FMNL2: variants seen among roughly 807,000 people sequenced by gnomAD.
FMNL2 encodes the protein formin-like protein 2.
FMNL2 carries 51 observed loss-of-function variants against 130.2 expected under a neutral mutation model. That is an observed-to-expected ratio of 0.39 (90% confidence interval 0.31 to 0.49). The LOEUF (loss-of-function observed/expected upper bound fraction) is 0.49, where lower values mean the gene tolerates loss of function less well. Ranked by LOEUF, FMNL2 falls within the 20% of genes least tolerant of loss-of-function variation. FMNL2 has a pLI of 0.85. For synonymous variants in FMNL2, 465 were observed against 467.1 expected, an observed-to-expected ratio of 1.00 and a Z score of 0.06; for missense variants, 977 against 1,316.2, an observed-to-expected ratio of 0.74 and a Z score of 3.99.
intron 1 of FMNL2, among the ~76,000 whole-genome samples, chr2:152,437,558 T>C (rs779899601): frequency 1.3e-5 from 2 of 152,158 alleles, no homozygotes; most frequent in Non-Finnish European, 2.9e-5. Flanking sequence ...GATTGCTGGA[T>C]TGATTTAGTG....
intron 1 of FMNL2, among the ~76,000 whole-genome samples, chr2:152,429,442 A>C (rs1232927237): frequency 2.0e-5 from 3 of 152,168 alleles, no homozygotes; most frequent in South Asian, 2.1e-4. Flanking sequence ...TTTTCTTTTC[A>C]GCACCATTTC....
chr2:152,359,357 C>T (rs1251949968), intron 1 of FMNL2, among the ~76,000 whole-genome samples: 1 of 152,052 alleles, frequency 6.6e-6, no homozygotes, highest in African/African-American at 2.4e-5. Flanking sequence ...CCTAAAGTCA[C>T]ACAATAAATG....
Position 152,648,926 on chromosome 2 carries a change from G to C in FMNL2, c.*1021G>C, listed in dbSNP as rs1042031292. 5 of 152,540 alleles carry C rather than the reference G, an allele frequency of 3.3e-5. No homozygotes were observed. Among genetic ancestry groups the C allele is most frequent in the African/African-American group, 1.2e-4 (5 of 41,430 alleles). 9.4% of individuals were successfully genotyped at this position (152,540 alleles called of 1,614,324 possible). On this transcript the variant is annotated 3_prime_UTR_variant, in exon 26 of 26. Coordinates refer to ENST00000288670, the MANE Select transcript of FMNL2 (RefSeq NM_052905.4). ...TAAGTTGCTGAAAAGTATTAACATGGTATTAAGCTTAAATAATACGTAATG... is the reference window on the plus strand; with the variant it reads ...TAAGTTGCTGAAAAGTATTAACATGCTATTAAGCTTAAATAATACGTAATG...
At chr2:152,631,286 G>A (rs142712351) in intron 20 of FMNL2, among the ~76,000 whole-genome samples, 39 of 151,504 alleles carry the variant, frequency 2.6e-4, no homozygotes, top group African/African-American at 9.4e-4. Context: ...CCAGCTACTC[G>A]GGAGGCTGAG....
In FMNL2 at chr2:152,341,759, G is replaced by A. The variant is rs371553402; in HGVS notation, c.117+6039G>A. Among the ~76,000 whole-genome samples, 14 of 152,344 alleles carry A rather than the reference G, an allele frequency of 9.2e-5. No homozygotes were observed. In the East Asian group the frequency reaches 1.2e-3, roughly 13 times the overall value. On this transcript the variant is annotated intron_variant, in intron 1 of 25. Transcript: ENST00000288670. ...GAGCTTTCAGGTGGAAATGTGTGTA[G>A]GGGTGTTCTGTGTGGTCTAAAGAGT... is the stretch of plus-strand genomic sequence containing the variant.
chr2:152,641,948 CT>C (rs34296572), intron 25 of FMNL2, among the ~76,000 whole-genome samples: 129,960 of 145,658 alleles, frequency 0.89, 57,942 homozygotes, highest in Admixed American at 0.9. Context: ...TGTCTCATTT[CT>C]TTTTTTTTTT....
At chr2:152,505,280 AAT>A (rs1692101376) in intron 1 of FMNL2, among the ~76,000 whole-genome samples, 1 of 152,174 alleles carries the variant, frequency 6.6e-6, no homozygotes, top group African/African-American at 2.4e-5. Flanking sequence ...GGGAAGAAAA[AAT>A]ATAGTGTTAA....
At chr2:152,382,798 C>G (rs1684552373) in intron 1 of FMNL2, among the ~76,000 whole-genome samples, 1 of 151,980 alleles carries the variant, frequency 6.6e-6, no homozygotes, top group Non-Finnish European at 1.5e-5. Context: ...CTCAATAAAG[C>G]TGGGGAAAAA....
intron 9 of FMNL2, among the ~76,000 whole-genome samples, chr2:152,604,062 A>C (rs912425597): frequency 1.3e-5 from 2 of 151,058 alleles, no homozygotes; most frequent in African/African-American, 4.8e-5. Flanking sequence ...TCGAGGTTCC[A>C]TGGAAGTTTC....
At chr2:152,477,392 G>A (rs1265560829) in intron 1 of FMNL2, among the ~76,000 whole-genome samples, 2 of 152,146 alleles carry the variant, frequency 1.3e-5, no homozygotes, top group Non-Finnish European at 2.9e-5. Flanking sequence ...TATAAAATGA[G>A]GATGTTGGAA....
chr2:152,565,025 G>A (rs1375999507), intron 6 of FMNL2, among the ~76,000 whole-genome samples: 2 of 152,084 alleles, frequency 1.3e-5, no homozygotes, highest in Non-Finnish European at 2.9e-5. Flanking sequence ...AGAATGTGGT[G>A]TGCCTTCGGT....
chr2:152,549,717 A>G lies in FMNL2; in HGVS notation c.359+620A>G, dbSNP rs1694833777. ...ATGGTGCTTTGCCTCAGGCAAGAACAGCAATATTATATTCTCCCTTACCCC... is the reference window on the plus strand; with the variant it reads ...ATGGTGCTTTGCCTCAGGCAAGAACGGCAATATTATATTCTCCCTTACCCC... On this transcript the variant is annotated intron_variant, in intron 4 of 25. Coordinates refer to ENST00000288670, the MANE Select transcript of FMNL2 (RefSeq NM_052905.4). Among the ~76,000 whole-genome samples, 4 of 152,232 alleles carry G rather than the reference A, an allele frequency of 2.6e-5. No individual in the cohort carries two copies. The South Asian group carries it at 8.3e-4, about 32-fold the overall frequency.
At chr2:152,503,270 A>G (rs1260128243) in intron 1 of FMNL2, among the ~76,000 whole-genome samples, 1 of 152,142 alleles carries the variant, frequency 6.6e-6, no homozygotes, top group African/African-American at 2.4e-5. Context: ...CAGTGGATGG[A>G]AAATTACTAG....
chr2:152,335,737 G>T lies in FMNL2; in HGVS notation c.117+17G>T. ...ATCGTGCTGGTAAGTGCGCGGCGGC[G>T]GTCGGGCGCGGGGACCCGGGGCCCC... On this transcript the variant is annotated intron_variant, in intron 1 of 25. Coordinates refer to ENST00000288670, the MANE Select transcript of FMNL2 (RefSeq NM_052905.4). The T allele has an allele frequency of 6.4e-7, 1 of 1,550,796 alleles. No homozygotes were observed. The highest frequency in any genetic ancestry group is 8.7e-7 in the Non-Finnish European group (1 of 1,149,812).
At position 152,455,580 on chromosome 2, in the gene FMNL2, C is replaced by T. The variant is rs2105093083; in HGVS notation, c.118-66363C>T. Among the ~76,000 whole-genome samples the T allele has an allele frequency of 2.6e-5, 4 of 152,234 alleles. No homozygotes were observed. In the South Asian group the frequency reaches 8.3e-4, roughly 32 times the overall value. On this transcript the variant is annotated intron_variant, in intron 1 of 25. Transcript: ENST00000288670. ...CACCTACCACAGGCTGGGTGCTGTA[C>T]TAAGACTTAACAAAATAAAGATGAA...
chr2:152,446,692 T>C (rs935586393), intron 1 of FMNL2, among the ~76,000 whole-genome samples: 4 of 152,204 alleles, frequency 2.6e-5, no homozygotes, highest in Non-Finnish European at 5.9e-5. Flanking sequence ...GAATAGCAAT[T>C]GTGTAAATGT....
chr2:152,506,003 C>CATG (rs1692149061), intron 1 of FMNL2, among the ~76,000 whole-genome samples: 1 of 152,024 alleles, frequency 6.6e-6, no homozygotes, highest in Admixed American at 6.6e-5. Flanking sequence ...GTTTTGAAAC[C>CATG]GTGTTTAGTC....
chr2:152,526,504 C>G (rs552414898), intron 2 of FMNL2, among the ~76,000 whole-genome samples: 1 of 152,248 alleles, frequency 6.6e-6, no homozygotes, highest in African/African-American at 2.4e-5. Flanking sequence ...CTTCTCACTC[C>G]CAGCTGTTGG....
Position 152,647,967 on chromosome 2 carries a change from A to ATGTG in FMNL2, c.*63_*66dup, listed in dbSNP as rs1216493959. 6.5e-5 allele frequency: 87 copies of ATGTG among 1,333,914 alleles called. No individual in the cohort carries two copies. Among genetic ancestry groups the ATGTG allele is most frequent in the Non-Finnish European group, 8.7e-5 (84 of 961,536 alleles). 82.6% of individuals were successfully genotyped at this position (1,333,914 alleles called of 1,614,324 possible). On this transcript the variant is annotated 3_prime_UTR_variant, in exon 26 of 26. Coordinates refer to ENST00000288670, the MANE Select transcript of FMNL2 (RefSeq NM_052905.4). ...GAATGAAACTGCCCACATGAACTTT[A>ATGTG]TGTGCTACGATTTAACTGCAGCCTT...
Sources: gnomAD v4.1 joint callset for allele counts (sites outside exome capture counted in the v4.1 genomes callset) on GRCh38, gnomAD v4.1.1 for gene constraint, MANE v1.5 for transcripts, NCBI Gene and HGNC (gene_info 2026-07-23, HGNC 2026-07-21) for gene names.